Variants in SIK3 observed in about 807,000 individuals in gnomAD.
The protein encoded by SIK3 is SIK family kinase 3, also known as serine/threonine-protein kinase SIK3.
A neutral mutation model predicts 144.2 loss-of-function variants in SIK3; 28 were observed. The observed-to-expected ratio is 0.19, with a 90% CI of 0.14 to 0.27. The LOEUF (loss-of-function observed/expected upper bound fraction) is 0.27, where lower values mean the gene tolerates loss of function less well. Ranked by LOEUF, SIK3 falls within the 10% of genes least tolerant of loss-of-function variation. The pLI, the probability that SIK3 is intolerant of heterozygous loss-of-function variation, is 1.00. For missense variants in SIK3, 1,319 were observed against 1,776.0 expected, an observed-to-expected ratio of 0.74 and a Z score of 4.62; for synonymous variants, 686 against 676.3, an observed-to-expected ratio of 1.01 and a Z score of -0.22.
rs57524562 is a variant in SIK3, at chr11:117,031,687, A to ATTTTTT, written c.273+66450_273+66455dup. On this transcript the variant is annotated intron_variant, in intron 1 of 24. Coordinates refer to ENST00000445177, the MANE Select transcript of SIK3 (RefSeq NM_001366686.3). ...TGGCATGTACCACCACACCCGGCTA[A>ATTTTTT]TTTTTTTTTTTTTTTTTTTTTTTTT... Among the ~76,000 whole-genome samples the ATTTTTT allele has an allele frequency of 7.0e-3, 570 of 81,512 alleles. 19 individuals are homozygous for ATTTTTT. Among genetic ancestry groups the ATTTTTT allele is most frequent in the Middle Eastern group, 0.02 (2 of 98 alleles). 53.5% of individuals were successfully genotyped at this position (81,512 alleles called of 152,430 possible). A position where few individuals can be genotyped will look rare whatever the true frequency, so the allele number is the denominator to read the frequency against.
intron 1 of SIK3, among the ~76,000 whole-genome samples, chr11:117,002,441 CAA>C (rs978046893): frequency 2.0e-5 from 3 of 152,074 alleles, no homozygotes; most frequent in African/African-American, 7.2e-5. Context: ...ACTTAAGTTG[CAA>C]ACATTGAGAT....
intron 21 of SIK3, among the ~76,000 whole-genome samples, chr11:116,850,250 C>A (rs1942322790): frequency 6.6e-6 from 1 of 152,218 alleles, no homozygotes; most frequent in Admixed American, 6.5e-5. Flanking sequence ...GTAGTCCATT[C>A]ACTTTCATTT....
chr11:117,049,972 T>A (rs1041310272), intron 1 of SIK3, among the ~76,000 whole-genome samples: 1 of 130,744 alleles, frequency 7.6e-6, no homozygotes, highest in African/African-American at 2.9e-5. Flanking sequence ...AAAAAAAAAA[T>A]AGGATCTTAT....
At chr11:117,071,471 T>G (rs1482374078) in intron 1 of SIK3, among the ~76,000 whole-genome samples, 1 of 151,730 alleles carries the variant, frequency 6.6e-6, no homozygotes, top group Non-Finnish European at 1.5e-5. Flanking sequence ...ACAGAGGCCA[T>G]GCCTCTCTCT....
Position 116,873,499 on chromosome 11 carries a change from C to T in SIK3, c.1719G>A (p.Pro573=), listed in dbSNP as rs779955233. Residue 573 remains proline (P), a synonymous_variant, in exon 13 of 25, where the codon CCG becomes CCA. Coordinates refer to ENST00000445177, the MANE Select transcript of SIK3 (RefSeq NM_001366686.3). ...QLLKRPRGPS[P]LVTMTPAVPA... Reference sequence around the variant, plus strand: ...TACTCACTGGTGTCATGGTGACAAGCGGAGAGGGTCCCCGTGGGCGCTTCA... The same window carrying T: ...TACTCACTGGTGTCATGGTGACAAGTGGAGAGGGTCCCCGTGGGCGCTTCA... 17 of 1,613,908 alleles carry T rather than the reference C, an allele frequency of 1.1e-5. No individual in the cohort carries two copies. Among genetic ancestry groups the T allele is most frequent in the Admixed American group, 1.7e-5 (1 of 59,986 alleles).
rs565507424 is a variant in SIK3, at chr11:116,843,422, ATTTT to A, written c.*2217_*2220del. 3.3e-5 allele frequency: 5 copies of A among 151,148 alleles called. No individual in the cohort carries two copies. Among genetic ancestry groups the A allele is most frequent in the Non-Finnish European group, 5.9e-5 (4 of 67,668 alleles). 9.4% of individuals were successfully genotyped at this position (151,148 alleles called of 1,614,324 possible). A position where few individuals can be genotyped will look rare whatever the true frequency, so the allele number is the denominator to read the frequency against. On this transcript the variant is annotated 3_prime_UTR_variant, in exon 25 of 25. Coordinates refer to ENST00000445177, the MANE Select transcript of SIK3 (RefSeq NM_001366686.3). ...AGGTCTTAGCAACTTGAGTCTGGAG[ATTTT>A]TTTTTTAATCCTTTTTAGTTCAACA... is the stretch of plus-strand genomic sequence containing the variant.
At chr11:116,914,042 T>C (rs912665738) in intron 4 of SIK3, among the ~76,000 whole-genome samples, 1 of 152,100 alleles carries the variant, frequency 6.6e-6, no homozygotes, top group Non-Finnish European at 1.5e-5. Flanking sequence ...TCTAAGGTGT[T>C]ACCTAGAAAT....
At chr11:116,988,194 T>C (rs533275071) in intron 1 of SIK3, among the ~76,000 whole-genome samples, 11 of 152,034 alleles carry the variant, frequency 7.2e-5, no homozygotes, top group African/African-American at 2.4e-4. Context: ...GAGACCATCC[T>C]GGCTAACACC....
chr11:116,886,267 A>G (rs1003969915), intron 6 of SIK3, among the ~76,000 whole-genome samples: 3 of 152,224 alleles, frequency 2.0e-5, no homozygotes, highest in African/African-American at 4.8e-5. Flanking sequence ...CTGGCGGTGC[A>G]GTGTGTCTCA....
At chr11:117,047,991 T>C (rs1953043632) in intron 1 of SIK3, among the ~76,000 whole-genome samples, 1 of 152,140 alleles carries the variant, frequency 6.6e-6, no homozygotes. Context: ...TTAATATTAG[T>C]ATTCTTAGGC....
At chr11:116,889,565 G>A (rs1284676057) in intron 6 of SIK3, among the ~76,000 whole-genome samples, 2 of 151,994 alleles carry the variant, frequency 1.3e-5, no homozygotes, top group Non-Finnish European at 2.9e-5. Flanking sequence ...AGACCCTGTC[G>A]CCAAAAATAT....
At chr11:116,915,766 A>C (rs1036624239) in intron 4 of SIK3, among the ~76,000 whole-genome samples, 2 of 152,358 alleles carry the variant, frequency 1.3e-5, no homozygotes, top group Middle Eastern at 3.4e-3. Flanking sequence ...GAGGCATTAC[A>C]GAATTATCAT....
In SIK3 at chr11:116,849,404, C is replaced by T; in HGVS notation, c.3656-121G>A. 2 of 1,186,128 alleles carry T rather than the reference C, an allele frequency of 1.7e-6. No individual in the cohort carries two copies. Among genetic ancestry groups the T allele is most frequent in the East Asian group, 2.5e-5 (1 of 39,436 alleles). The allele number at this position is 1,186,128 out of a possible 1,614,324, so 73.5% of individuals were successfully genotyped here. A position where few individuals can be genotyped will look rare whatever the true frequency, so the allele number is the denominator to read the frequency against. On this transcript the variant is annotated intron_variant, in intron 21 of 24. Transcript: ENST00000445177. This position sits in a 1 kb window ranked among gnomAD's most constrained non-coding sequence, Gnocchi z 4.2. ...AGGCTGAGGAGATCATGTACACCAACCGCTGATCCTCAGCCGGCGTCATGG... is the reference window on the plus strand; with the variant it reads ...AGGCTGAGGAGATCATGTACACCAATCGCTGATCCTCAGCCGGCGTCATGG...
At chr11:117,034,954 C>T (rs996206978) in intron 1 of SIK3, among the ~76,000 whole-genome samples, 1 of 152,110 alleles carries the variant, frequency 6.6e-6, no homozygotes, top group Admixed American at 6.6e-5. Flanking sequence ...AACTTTGTAA[C>T]ATAAGGTTGT....
intron 4 of SIK3, among the ~76,000 whole-genome samples, chr11:116,918,914 A>G (rs1946811326): frequency 6.6e-6 from 1 of 152,220 alleles, no homozygotes; most frequent in Non-Finnish European, 1.5e-5. Context: ...AAGGTTATTT[A>G]GAGCCGCTTC....
intron 7 of SIK3, 144 bp from the exon 8 acceptor site, chr11:116,876,507 A>G (rs1944263337): frequency 4.3e-6 from 3 of 701,998 alleles, no homozygotes; most frequent in African/African-American, 1.8e-5. Flanking sequence ...GAGAGCCCTG[A>G]GTGATCAGCT....
At chr11:116,895,296 C>T (rs1177700203) in intron 6 of SIK3, among the ~76,000 whole-genome samples, 1 of 152,160 alleles carries the variant, frequency 6.6e-6, no homozygotes, top group Admixed American at 6.5e-5. Flanking sequence ...CAGCATTCAC[C>T]CTCACCTTCT....
chr11:117,014,974 G>C (rs151255648), intron 1 of SIK3, among the ~76,000 whole-genome samples: 2 of 152,110 alleles, frequency 1.3e-5, no homozygotes, highest in African/African-American at 4.8e-5. Flanking sequence ...TGAGGCAGGA[G>C]GATCACTTGA....
At chr11:116,980,546 T>C (rs184378576) in intron 1 of SIK3, among the ~76,000 whole-genome samples, 1 of 152,272 alleles carries the variant, frequency 6.6e-6, no homozygotes, top group African/African-American at 2.4e-5. Flanking sequence ...TTTCACACCA[T>C]CGTAAAGTTG....
Sources: gnomAD v4.1 joint callset for allele counts (sites outside exome capture counted in the v4.1 genomes callset) on GRCh38, gnomAD v4.1.1 for gene constraint, Gnocchi (gnomAD v3.1) non-coding constraint, MANE v1.5 for transcripts, NCBI Gene and HGNC (gene_info 2026-07-23, HGNC 2026-07-21) for gene names.